The following RANBP9 variants were observed in gnomAD, a reference collection of about 807,000 sequenced individuals.
RANBP9 encodes RAN binding protein 9, also known as ran-binding protein 9.
Under a neutral mutation model 84.3 loss-of-function variants are expected in RANBP9, and 15 were observed. The ratio of observed to expected loss-of-function variants is 0.18; its 90% CI spans 0.12 to 0.27. The LOEUF is 0.27. Among genes scored for constraint, RANBP9 ranks in the 10% least tolerant of loss-of-function variants. The probability of loss-of-function intolerance (pLI) is 1.00; values close to 1 mark genes in which losing one functional copy is unlikely to be tolerated. For synonymous variants in RANBP9, 392 were observed against 349.6 expected, an observed-to-expected ratio of 1.12 and a Z score of -1.35; for missense variants, 809 against 912.8, an observed-to-expected ratio of 0.89 and a Z score of 1.46.
chr6:13,668,751 A>G (rs1280719452), intron 2 of RANBP9, among the ~76,000 whole-genome samples: 7 of 152,156 alleles, frequency 4.6e-5, no homozygotes, highest in Admixed American at 3.3e-4. Context: ...GATAAAGAAC[A>G]TCTATGAAAA....
At chr6:13,634,407 A>C (rs370088461) in intron 11 of RANBP9, 24 bp downstream of exon 11, 86 of 1,602,868 alleles carry the variant, frequency 5.4e-5, no homozygotes, top group Admixed American at 6.8e-5. Context: ...TTTTATTAAA[A>C]ATGTAAGAAA....
chr6:13,659,931 T>C (rs1765503322), intron 2 of RANBP9, among the ~76,000 whole-genome samples: 1 of 152,188 alleles, frequency 6.6e-6, no homozygotes, highest in African/African-American at 2.4e-5. Context: ...AGCATAAATG[T>C]TAAAAGATAT....
chr6:13,677,783 T>G (rs549887846), intron 2 of RANBP9, among the ~76,000 whole-genome samples: 2 of 152,162 alleles, frequency 1.3e-5, no homozygotes, highest in Non-Finnish European at 2.9e-5. Context: ...CAACTGGTGA[T>G]TCACATAGTA....
At chr6:13,698,160 CA>C (rs1562322880) in intron 1 of RANBP9, among the ~76,000 whole-genome samples, 2 of 151,908 alleles carry the variant, frequency 1.3e-5, no homozygotes, top group Non-Finnish European at 2.9e-5. Flanking sequence ...ACTCCCCCCA[CA>C]AAAAAATGGA....
chr6:13,634,024 C>T (rs139099734), intron 11 of RANBP9, among the ~76,000 whole-genome samples: 489 of 147,918 alleles, frequency 3.3e-3, no homozygotes, highest in African/African-American at 0.011. Context: ...AAGTCACACA[C>T]GTTTACGTTA....
intron 2 of RANBP9, among the ~76,000 whole-genome samples, chr6:13,675,412 A>G (rs1765866845): frequency 2.0e-5 from 3 of 152,168 alleles, no homozygotes; most frequent in Admixed American, 6.6e-5. Flanking sequence ...ATAACACATC[A>G]AAGAAGTCTA....
At chr6:13,708,755 C>T (rs1758196267) in intron 1 of RANBP9, among the ~76,000 whole-genome samples, 1 of 151,914 alleles carries the variant, frequency 6.6e-6, no homozygotes. Context: ...GACACAGTTG[C>T]CCACCACAAT....
At chr6:13,634,876 G>A (rs531625680) in intron 10 of RANBP9, among the ~76,000 whole-genome samples, 156 of 151,866 alleles carry the variant, frequency 1.0e-3, no homozygotes, top group Non-Finnish European at 1.8e-3. Context: ...GTACGTCTTC[G>A]TTAATCAACT....
intron 1 of RANBP9, among the ~76,000 whole-genome samples, chr6:13,698,156 C>A (rs768759765): frequency 6.6e-6 from 1 of 152,056 alleles, no homozygotes; most frequent in African/African-American, 2.4e-5. Context: ...CCCCACTCCC[C>A]CCACAAAAAA....
chr6:13,692,301 C>T lies in RANBP9; in HGVS notation c.683+4484G>A, dbSNP rs1403312946. Among the ~76,000 whole-genome samples, 33 of 149,082 alleles carry T rather than the reference C, an allele frequency of 2.2e-4. 1 individual carries two copies. Among genetic ancestry groups the T allele is most frequent in the Admixed American group, 2.1e-3 (31 of 14,944 alleles). Reference sequence around the variant, plus strand: ...CTATAATCCCAGCACTTTGGGAGGCCGAGGCGGGTGGATCACCTGAGGTCA... The same window carrying T: ...CTATAATCCCAGCACTTTGGGAGGCTGAGGCGGGTGGATCACCTGAGGTCA... On this transcript the variant is annotated intron_variant, in intron 2 of 13. Coordinates refer to ENST00000011619, the MANE Select transcript of RANBP9 (RefSeq NM_005493.3).
intron 3 of RANBP9, among the ~76,000 whole-genome samples, 192 bp from the exon 4 acceptor site, chr6:13,657,468 A>G (rs1025005707): frequency 6.6e-6 from 1 of 152,224 alleles, no homozygotes; most frequent in African/African-American, 2.4e-5. Context: ...AAATTTAAGA[A>G]AAATAGCTAC....
At chr6:13,663,859 A>G (rs750301919) in intron 2 of RANBP9, among the ~76,000 whole-genome samples, 1 of 152,090 alleles carries the variant, frequency 6.6e-6, no homozygotes, top group Non-Finnish European at 1.5e-5. Flanking sequence ...CAAAATAAAT[A>G]CACTTGGCAA....
At chr6:13,624,867 C>T (rs1764556892) in intron 13 of RANBP9, among the ~76,000 whole-genome samples, 1 of 152,162 alleles carries the variant, frequency 6.6e-6, no homozygotes, top group Non-Finnish European at 1.5e-5. Context: ...AAGGCTTGAT[C>T]CTGCCGGGTA....
chr6:13,643,137 A>G (rs757687692), intron 6 of RANBP9, among the ~76,000 whole-genome samples: 1 of 152,336 alleles, frequency 6.6e-6, no homozygotes, highest in Non-Finnish European at 1.5e-5. Flanking sequence ...GAACATGTCT[A>G]TAAGTGTACT....
intron 3 of RANBP9, 135 bp from the exon 4 acceptor site, chr6:13,657,411 TCAA>T (rs1259918858): frequency 6.5e-6 from 4 of 613,810 alleles, no homozygotes; most frequent in Non-Finnish European, 7.5e-6. Flanking sequence ...ATTTAAATTC[TCAA>T]CAATTACACT....
intron 11 of RANBP9, among the ~76,000 whole-genome samples, chr6:13,633,951 T>G (rs1764864272): frequency 6.8e-6 from 1 of 146,996 alleles, no homozygotes; most frequent in African/African-American, 2.5e-5. Flanking sequence ...TGGTGGGGTT[T>G]TTTTTTTTGG....
intron 2 of RANBP9, among the ~76,000 whole-genome samples, chr6:13,664,672 C>A (rs142413430): frequency 6.6e-6 from 1 of 151,998 alleles, no homozygotes; most frequent in African/African-American, 2.4e-5. Flanking sequence ...GTAACAGATA[C>A]CCCCAATACA....
chr6:13,708,948 A>G (rs2237092), intron 1 of RANBP9, among the ~76,000 whole-genome samples: 62,991 of 152,000 alleles, frequency 0.41, 13,502 homozygotes, highest in Admixed American at 0.53. Flanking sequence ...GAGAGGAAAA[A>G]TAAAAGGATA....
At chr6:13,695,376 G>C (rs759156180) in intron 2 of RANBP9, among the ~76,000 whole-genome samples, 95 of 138,788 alleles carry the variant, frequency 6.8e-4, no homozygotes, top group Non-Finnish European at 9.1e-4. Flanking sequence ...CAAGTTTCTA[G>C]CAATAGTGAA....
Sources: allele counts gnomAD v4.1 joint callset (sites outside exome capture counted in the v4.1 genomes callset), GRCh38; gene constraint gnomAD v4.1.1; transcripts MANE v1.5; gene names NCBI Gene and HGNC (gene_info 2026-07-23, HGNC 2026-07-21).